The following IGSF21 variants were observed in gnomAD, a reference collection of about 807,000 sequenced individuals.
IGSF21 encodes the protein immunoglobulin superfamily member 21.
IGSF21 carries 28 observed loss-of-function variants against 46.8 expected under a neutral mutation model. That is an observed-to-expected ratio of 0.60 (90% CI 0.44 to 0.82). The LOEUF (loss-of-function observed/expected upper bound fraction) is 0.82. Ranked by LOEUF, IGSF21 falls within the 40% of genes least tolerant of loss-of-function variation. IGSF21 has a pLI of 0.00. For missense variants in IGSF21, 624 were observed against 665.5 expected (o/e 0.94, Z 0.69); for synonymous variants, 284 against 273.6 (o/e 1.04, Z -0.38).
chr1:18,340,871 C>T lies in IGSF21; in HGVS notation c.424+5861C>T, dbSNP rs566278302. ...GTTCCTGTCCCTGTGTTCAGATTTG[C>T]TTCTGCTTCTGCCCCTGCTTCTGCT... is the stretch of plus-strand genomic sequence containing the variant. On this transcript the variant is annotated intron_variant, in intron 4 of 9. Transcript: ENST00000251296. 2.0e-5 allele frequency among the ~76,000 whole-genome samples: 3 copies of T among 152,204 alleles called. No individual in the cohort carries two copies. In the South Asian group the frequency reaches 6.2e-4, roughly 32 times the overall value.
intron 1 of IGSF21, among the ~76,000 whole-genome samples, chr1:18,187,926 T>C (rs760132270): frequency 1.3e-5 from 2 of 152,062 alleles, no homozygotes; most frequent in Non-Finnish European, 2.9e-5. Context: ...AATGGATAAA[T>C]GAATGAATGA....
intron 2 of IGSF21, among the ~76,000 whole-genome samples, chr1:18,262,755 T>C (rs1307980193): frequency 6.6e-6 from 1 of 152,178 alleles, no homozygotes; most frequent in African/African-American, 2.4e-5. Context: ...TCCTGGGTGC[T>C]AAGAACCAAG....
At chr1:18,188,731 G>A (rs1425801348) in intron 1 of IGSF21, among the ~76,000 whole-genome samples, 1 of 152,180 alleles carries the variant, frequency 6.6e-6, no homozygotes, top group Non-Finnish European at 1.5e-5. Context: ...CAAGAGGAAG[G>A]TGACATTATT....
chr1:18,177,791 T>A (rs1220852280), intron 1 of IGSF21, among the ~76,000 whole-genome samples: 1 of 152,112 alleles, frequency 6.6e-6, no homozygotes, highest in African/African-American at 2.4e-5. Context: ...TGTTAAAAAG[T>A]CATATTCGGT....
chr1:18,205,962 G>A (rs2084315272), intron 1 of IGSF21, among the ~76,000 whole-genome samples: 1 of 152,210 alleles, frequency 6.6e-6, no homozygotes, highest in Non-Finnish European at 1.5e-5. Flanking sequence ...CTTATAAAAT[G>A]TCAACAATTC....
chr1:18,263,484 C>T (rs2084964992), intron 2 of IGSF21, among the ~76,000 whole-genome samples: 1 of 151,886 alleles, frequency 6.6e-6, no homozygotes, highest in Non-Finnish European at 1.5e-5. Flanking sequence ...TTTTGCCTCT[C>T]ACTCGCTGTA....
In IGSF21 at chr1:18,201,542, C is replaced by A. The variant is rs1287746247; in HGVS notation, c.71-26356C>A. Among the ~76,000 whole-genome samples, 3 of 152,260 alleles carry A rather than the reference C, an allele frequency of 2.0e-5. No homozygotes were observed. In the East Asian group the frequency reaches 5.8e-4, roughly 29 times the overall value. Reference sequence around the variant, plus strand: ...CTCTAGCCTGGCTGGATGGACAGCACCCATGTCAACTCAGCCTCCTGGTCC... The same window carrying A: ...CTCTAGCCTGGCTGGATGGACAGCAACCATGTCAACTCAGCCTCCTGGTCC... On this transcript the variant is annotated intron_variant, in intron 1 of 9. Transcript: ENST00000251296.
At chr1:18,359,387 G>GAAAGAAAGAAAGAAAGA (rs1557659651) in intron 4 of IGSF21, among the ~76,000 whole-genome samples, 2 of 33,894 alleles carry the variant, frequency 5.9e-5, no homozygotes, top group African/African-American at 2.2e-4. Context: ...AGAAAGAAAG[G>GAAAGAAAGAAAGAAAGA]AAGGAAGGAA....
intron 4 of IGSF21, among the ~76,000 whole-genome samples, chr1:18,351,553 T>C (rs2085955313): frequency 6.6e-6 from 1 of 152,162 alleles, no homozygotes; most frequent in African/African-American, 2.4e-5. Context: ...CCCACTGCTC[T>C]CTGGGGGGAG....
intron 1 of IGSF21, among the ~76,000 whole-genome samples, chr1:18,181,715 T>A (rs1352237369): frequency 6.6e-6 from 1 of 152,096 alleles, no homozygotes; most frequent in Non-Finnish European, 1.5e-5. Flanking sequence ...ATATAGTGAC[T>A]CTTCTCCCAG....
At chr1:18,227,734 C>T (rs2084582896) in intron 1 of IGSF21, among the ~76,000 whole-genome samples, 164 bp from the exon 2 acceptor site, 1 of 151,984 alleles carries the variant, frequency 6.6e-6, no homozygotes, top group Admixed American at 6.6e-5. Context: ...GGCCTGCAGT[C>T]ACCATTCACA....
intron 4 of IGSF21, among the ~76,000 whole-genome samples, chr1:18,340,991 C>CTT (rs1467074172): frequency 1.7e-4 from 20 of 120,686 alleles, no homozygotes; most frequent in African/African-American, 5.7e-4. Flanking sequence ...TCTCCTTCTT[C>CTT]TTCTCCTCCT....
intron 1 of IGSF21, among the ~76,000 whole-genome samples, chr1:18,144,954 G>A (rs767670725): frequency 6.6e-6 from 1 of 152,064 alleles, no homozygotes; most frequent in South Asian, 2.1e-4. Flanking sequence ...GGTGAGTCCC[G>A]GGTGCCTCAA....
chr1:18,150,838 T>G (rs35499538), intron 1 of IGSF21, among the ~76,000 whole-genome samples: 14,025 of 152,270 alleles, frequency 0.092, 710 homozygotes, highest in Middle Eastern at 0.19. Flanking sequence ...ACAAATGCCA[T>G]TACACTCTGG....
chr1:18,303,021 C>T (rs1000901736), intron 3 of IGSF21, among the ~76,000 whole-genome samples: 4 of 152,200 alleles, frequency 2.6e-5, no homozygotes, highest in Middle Eastern at 3.4e-3. Context: ...TGGTGATGCA[C>T]TAGGGTATGG....
At chr1:18,308,952 A>G (rs1037333537) in intron 3 of IGSF21, among the ~76,000 whole-genome samples, 3 of 152,080 alleles carry the variant, frequency 2.0e-5, no homozygotes, top group African/African-American at 7.2e-5. Flanking sequence ...GCTGCTGGGA[A>G]GTGGGAGCCA....
intron 4 of IGSF21, among the ~76,000 whole-genome samples, chr1:18,355,931 G>A (rs962978569): frequency 1.3e-5 from 2 of 149,604 alleles, no homozygotes; most frequent in Non-Finnish European, 3.0e-5. Context: ...CGCCTTCCGG[G>A]TTCAAGCGAT....
At chr1:18,285,197 T>A (rs1390193963) in intron 2 of IGSF21, among the ~76,000 whole-genome samples, 2 of 151,964 alleles carry the variant, frequency 1.3e-5, no homozygotes, top group African/African-American at 4.8e-5. Context: ...TTCTTTTTTT[T>A]TTTTTTCTTT....
At chr1:18,324,024 G>A (rs919403153) in intron 3 of IGSF21, among the ~76,000 whole-genome samples, 1 of 151,828 alleles carries the variant, frequency 6.6e-6, no homozygotes, top group Non-Finnish European at 1.5e-5. Context: ...CTCTCTCCCC[G>A]GTCCCACTCC....
Sources: gnomAD v4.1 joint callset for allele counts (sites outside exome capture counted in the v4.1 genomes callset) on GRCh38, gnomAD v4.1.1 for gene constraint, MANE v1.5 for transcripts, NCBI Gene and HGNC (gene_info 2026-07-23, HGNC 2026-07-21) for gene names.